The following FBXO10 variants were observed in gnomAD, a reference collection of about 807,000 sequenced individuals.
FBXO10 encodes the protein F-box protein 10.
FBXO10 carries 39 observed loss-of-function variants against 80.7 expected under a neutral mutation model. The ratio of observed to expected loss-of-function variants is 0.48; its 90% CI spans 0.37 to 0.63. The LOEUF (loss-of-function observed/expected upper bound fraction) is 0.63, where lower values mean the gene tolerates loss of function less well. FBXO10 is among the 30% of genes least tolerant of loss of function. The pLI, the probability that FBXO10 is intolerant of heterozygous loss-of-function variation, is 0.00. For synonymous variants in FBXO10, 449 were observed against 489.6 expected (o/e 0.92, Z 1.09); for missense variants, 1,025 against 1,269.0 (o/e 0.81, Z 2.92).
chr9:37,513,678 C>T (rs954752150), intron 10 of FBXO10, among the ~76,000 whole-genome samples: 1 of 152,116 alleles, frequency 6.6e-6, no homozygotes, highest in East Asian at 1.9e-4. Flanking sequence ...CAACCTCTTC[C>T]TCCCAGGTTC....
At chr9:37,543,673 C>G (rs1283363980) in intron 1 of FBXO10, among the ~76,000 whole-genome samples, 1 of 152,218 alleles carries the variant, frequency 6.6e-6, no homozygotes, top group Non-Finnish European at 1.5e-5. Context: ...TGAATGCCAT[C>G]AGATATCCCT....
At chr9:37,575,157 T>G (rs1019087587) in intron 1 of FBXO10, among the ~76,000 whole-genome samples, 2 of 152,004 alleles carry the variant, frequency 1.3e-5, no homozygotes, top group African/African-American at 4.8e-5. Flanking sequence ...TGGCTACACA[T>G]GCCTGGCACT....
intron 9 of FBXO10, among the ~76,000 whole-genome samples, chr9:37,517,893 C>T (rs1821225645): frequency 6.6e-6 from 1 of 152,196 alleles, no homozygotes; most frequent in Non-Finnish European, 1.5e-5. Flanking sequence ...GGGGACACCC[C>T]ATCCCTGGCT....
chr9:37,518,576 C>G lies in FBXO10; in HGVS notation c.2201-138G>C, dbSNP rs1281082160. 4 of 714,556 alleles carry G rather than the reference C, an allele frequency of 5.6e-6. No individual in the cohort carries two copies. The African/African-American group carries it at 7.1e-5, about 13-fold the overall frequency. 44.3% of individuals were successfully genotyped at this position (714,556 alleles called of 1,614,324 possible). On this transcript the variant is annotated intron_variant, in intron 8 of 10. Transcript: ENST00000432825. ...AGAGGTACCAACACTCAGAAACAAC[C>G]CTTGAGTTTGCGTCTTCCAAGCTGA...
At chr9:37,564,990 A>G (rs1822568468) in intron 1 of FBXO10, among the ~76,000 whole-genome samples, 1 of 152,234 alleles carries the variant, frequency 6.6e-6, no homozygotes, top group South Asian at 2.1e-4. Context: ...ATCATCTTGA[A>G]TTATAATTCC....
At chr9:37,527,550 T>C (rs1821507493) in intron 5 of FBXO10, among the ~76,000 whole-genome samples, 1 of 152,154 alleles carries the variant, frequency 6.6e-6, no homozygotes, top group Non-Finnish European at 1.5e-5. Flanking sequence ...CAAGCACAAC[T>C]CAAATGTCAG....
Position 37,548,906 on chromosome 9 carries a change from G to A in FBXO10, c.-6-7132C>T, listed in dbSNP as rs377092199. ...TGGGACTACAGGCGCCCGCCACCAC[G>A]CCCTGCTCATTTTTTGTAATTTTAG... On this transcript the variant is annotated intron_variant, in intron 1 of 10. Coordinates refer to ENST00000432825, the MANE Select transcript of FBXO10 (RefSeq NM_012166.3). Among the ~76,000 whole-genome samples the A allele has an allele frequency of 3.6e-3, 540 of 152,104 alleles. 4 individuals carry two copies. The highest frequency in any genetic ancestry group is 0.012 in the African/African-American group (502 of 41,508).
intron 1 of FBXO10, among the ~76,000 whole-genome samples, chr9:37,566,460 A>G (rs902713026): frequency 9.9e-6 from 1 of 101,056 alleles, no homozygotes; most frequent in African/African-American, 2.8e-5. Flanking sequence ...TCTGTCTCGG[A>G]AAAAAAAAAA....
In FBXO10 at chr9:37,512,634, C is replaced by A; in HGVS notation, c.2784G>T (p.Gln928His). The A allele has an allele frequency of 6.2e-7, 1 of 1,614,068 alleles. No individual in the cohort carries two copies. The highest frequency in any genetic ancestry group is 8.5e-7 in the Non-Finnish European group (1 of 1,179,902). ...TCCTCGTTGCCATGGCTGTCACCTT[C>A]TGCCCATTGTGGGCTGCCGAGGGAC... ...LRRPSAAHNG[Q>H]KVTAMATRIT... Residue 928 changes from glutamine (Q) to histidine (H), a missense_variant, in exon 11 of 11, where the codon CAG becomes CAT. Physicochemically the swap from Gln to His is conservative, Grantham distance 24. Around this residue, in one of 3 missense-constraint regions of FBXO10, gnomAD observed 97 missense variants for 101.8 expected, o/e 0.95. Coordinates refer to ENST00000432825, the MANE Select transcript of FBXO10 (RefSeq NM_012166.3).
intron 1 of FBXO10, among the ~76,000 whole-genome samples, chr9:37,543,792 A>C (rs543354631): frequency 6.2e-4 from 95 of 152,350 alleles, no homozygotes; most frequent in African/African-American, 2.2e-3. Context: ...TAGATGACCT[A>C]GAGCAACTTC....
intron 1 of FBXO10, among the ~76,000 whole-genome samples, chr9:37,551,336 G>A (rs1008505325): frequency 1.9e-4 from 29 of 152,196 alleles, no homozygotes; most frequent in African/African-American, 6.3e-4. Flanking sequence ...GTGTGCTGGT[G>A]GCTCTACAGG....
At chr9:37,574,051 GAA>G (rs1822829599) in intron 1 of FBXO10, among the ~76,000 whole-genome samples, 1 of 152,152 alleles carries the variant, frequency 6.6e-6, no homozygotes, top group Non-Finnish European at 1.5e-5. Context: ...ATCTTCCTGT[GAA>G]AAGCAAGTGA....
chr9:37,564,058 TG>T (rs1336503505), intron 1 of FBXO10, among the ~76,000 whole-genome samples: 2 of 152,364 alleles, frequency 1.3e-5, no homozygotes, highest in South Asian at 2.1e-4. Flanking sequence ...CCCTCTGCTC[TG>T]TGCAGCCTTG....
intron 6 of FBXO10, among the ~76,000 whole-genome samples, chr9:37,523,647 T>C (rs1354162709): frequency 6.6e-6 from 1 of 151,864 alleles, no homozygotes; most frequent in African/African-American, 2.4e-5. Flanking sequence ...ATAGGCCGGG[T>C]GCGGTGGCTC....
chr9:37,569,688 C>T (rs374789603), intron 1 of FBXO10, among the ~76,000 whole-genome samples: 2 of 152,206 alleles, frequency 1.3e-5, no homozygotes, highest in African/African-American at 4.8e-5. Context: ...TATACAGCTT[C>T]GAGCACAGTG....
intron 1 of FBXO10, among the ~76,000 whole-genome samples, chr9:37,550,151 C>CT (rs1168506637): frequency 1.9e-5 from 1 of 51,582 alleles, no homozygotes; most frequent in African/African-American, 5.9e-5. Flanking sequence ...TCTCAGTTTT[C>CT]TTTTTTTGTC....
intron 1 of FBXO10, among the ~76,000 whole-genome samples, chr9:37,549,994 C>CA (rs1321538477): frequency 2.0e-5 from 3 of 151,970 alleles, no homozygotes; most frequent in Non-Finnish European, 4.4e-5. Context: ...CAAAACAAAA[C>CA]AAAAACCAAG....
At chr9:37,530,473 G>A (rs1475663164) in intron 4 of FBXO10, among the ~76,000 whole-genome samples, 1 of 152,106 alleles carries the variant, frequency 6.6e-6, no homozygotes, top group Non-Finnish European at 1.5e-5. Flanking sequence ...CTATCCCTCT[G>A]TCCTCAGAAG....
intron 8 of FBXO10, 24 bp downstream of exon 8, chr9:37,521,545 C>A: frequency 6.5e-7 from 1 of 1,530,518 alleles, no homozygotes; most frequent in Non-Finnish European, 8.8e-7. Flanking sequence ...GGTTCTTGAG[C>A]AGGGGCTGAG....
Sources: gnomAD v4.1 joint callset for allele counts (sites outside exome capture counted in the v4.1 genomes callset) on GRCh38, gnomAD v4.1.1 for gene constraint, gnomAD v4.1.1 regional missense constraint, MANE v1.5 for transcripts, NCBI Gene and HGNC (gene_info 2026-07-23, HGNC 2026-07-21) for gene names.